NOS1: variants seen among roughly 807,000 people sequenced by gnomAD.
NOS1 encodes the protein NOS type I.
Under a neutral mutation model 164.5 loss-of-function variants are expected in NOS1, and 51 were observed. The observed-to-expected ratio is 0.31, with a 90% CI of 0.25 to 0.39. The LOEUF is 0.39. Ranked by LOEUF, NOS1 falls within the 10% of genes least tolerant of loss-of-function variation. The pLI is 1.00. For synonymous variants in NOS1, 719 were observed against 745.8 expected, an observed-to-expected ratio of 0.96 and a Z score of 0.59; for missense variants, 1,362 against 1,885.6, an observed-to-expected ratio of 0.72 and a Z score of 5.14.
At chr12:117,223,331 G>A (rs986317391) in intron 25 of NOS1, among the ~76,000 whole-genome samples, 5 of 149,632 alleles carry the variant, frequency 3.3e-5, no homozygotes, top group African/African-American at 7.4e-5. Context: ...GCACGACCTC[G>A]GCTCACTGCA....
At chr12:117,345,318 C>T (rs1215368186) in intron 1 of NOS1, among the ~76,000 whole-genome samples, 3 of 152,086 alleles carry the variant, frequency 2.0e-5, no homozygotes, top group Non-Finnish European at 2.9e-5. Flanking sequence ...CCACCGCGCC[C>T]GGCTGCAAGA....
rs770149553 is a variant in NOS1 at position 117,222,729 on chromosome 12, G to A, written c.3961C>T (p.Pro1321Ser). The change falls in exon 26 of 29, where the codon CCA becomes TCA. Residue 1321 changes from proline to serine, a missense_variant. Around this residue, in one of 4 missense-constraint regions of NOS1, gnomAD observed 737 missense variants for 1,030.3 expected, o/e 0.72. Transcript: ENST00000317775. ...RELYTAYSRE[P>S]DKPKKYVQDI... ...CTGGGGGTTACCTTTGGTTTGTCTG[G>A]CTCCCGGGAGTAAGCCGTGTACAGC... 3 of 1,613,878 alleles carry A rather than the reference G, an allele frequency of 1.9e-6. No individual in the cohort carries two copies. In the South Asian group the frequency reaches 3.3e-5, roughly 18 times the overall value.
rs569386597 is a variant in NOS1 at position 117,227,382 on chromosome 12, C to G, written c.3616+49G>C. ...TGGTTTAGGGAACCCTCCAGAGGCCCCTTGGGGGAAAATGCAGCTGAGGAG... is the reference window on the plus strand; with the variant it reads ...TGGTTTAGGGAACCCTCCAGAGGCCGCTTGGGGGAAAATGCAGCTGAGGAG... On this transcript the variant is annotated intron_variant, in intron 23 of 28. Coordinates refer to ENST00000317775, the MANE Select transcript of NOS1 (RefSeq NM_000620.5). 32 of 1,586,666 alleles carry G rather than the reference C, an allele frequency of 2.0e-5. No homozygotes were observed. The East Asian group carries it at 2.5e-4, about 12-fold the overall frequency.
intron 28 of NOS1, 119 bp from the exon 29 acceptor site, chr12:117,215,443 T>C (rs1289810319): frequency 6.3e-6 from 8 of 1,270,230 alleles, no homozygotes; most frequent in Middle Eastern, 2.3e-4. Flanking sequence ...TCTTTCTTTT[T>C]TTTTTTTTTT....
At position 117,330,118 on chromosome 12, in the gene NOS1, G is replaced by C. The variant is rs543817198; in HGVS notation, c.725+227C>G. On this transcript the variant is annotated intron_variant, in intron 2 of 28. Coordinates refer to ENST00000317775, the MANE Select transcript of NOS1 (RefSeq NM_000620.5). The surrounding 1 kb of genome is among the most constrained non-coding windows in gnomAD (Gnocchi z 4.6). ...TACCATGATGATTAATTCGCTCTGGGTTTTGTGACAAGAGAAGCATCCTAG... is the reference window on the plus strand; with the variant it reads ...TACCATGATGATTAATTCGCTCTGGCTTTTGTGACAAGAGAAGCATCCTAG... 1.2e-4 allele frequency among the ~76,000 whole-genome samples: 18 copies of C among 152,302 alleles called. No individual in the cohort carries two copies. The South Asian group carries it at 3.5e-3, about 30-fold the overall frequency.
At chr12:117,220,723 G>C (rs1306702732) in intron 26 of NOS1, among the ~76,000 whole-genome samples, 1 of 152,160 alleles carries the variant, frequency 6.6e-6, no homozygotes, top group Non-Finnish European at 1.5e-5. Context: ...AAGAGATGGG[G>C]GTGAGGTGAG....
At chr12:117,313,422 G>A (rs1244047776) in intron 2 of NOS1, among the ~76,000 whole-genome samples, 1 of 152,114 alleles carries the variant, frequency 6.6e-6, no homozygotes, top group African/African-American at 2.4e-5. Context: ...TGCCCCTCCA[G>A]TAGCTGGGAC....
chr12:117,213,207 T>C lies in NOS1; in HGVS notation c.*2102A>G, dbSNP rs1473382386. On this transcript the variant is annotated 3_prime_UTR_variant, in exon 29 of 29. Transcript: ENST00000317775. ...CTGATCAATTTGTCTTTAATGGGGA[T>C]TGGACACAACAGTTTCCTTCCCTGG... The C allele has an allele frequency of 3.0e-6, 3 of 985,426 alleles. No homozygotes were observed. The highest frequency in any genetic ancestry group is 3.6e-6 in the Non-Finnish European group (3 of 829,946). 61.0% of individuals were successfully genotyped at this position (985,426 alleles called of 1,614,324 possible). A position where few individuals can be genotyped will look rare whatever the true frequency, so the allele number is the denominator to read the frequency against.
intron 1 of NOS1, among the ~76,000 whole-genome samples, chr12:117,337,513 C>T (rs1036887518): frequency 1.3e-5 from 2 of 152,098 alleles, no homozygotes; most frequent in East Asian, 1.9e-4. Context: ...AGAGTGTGAC[C>T]GTTGTTCTTT....
intron 2 of NOS1, among the ~76,000 whole-genome samples, chr12:117,320,866 C>T (rs1465912407): frequency 6.6e-6 from 1 of 152,150 alleles, no homozygotes. Flanking sequence ...TATCTTCTGG[C>T]CTCAGTACAA....
At chr12:117,344,632 A>C (rs1460937661) in intron 1 of NOS1, among the ~76,000 whole-genome samples, 1 of 152,232 alleles carries the variant, frequency 6.6e-6, no homozygotes, top group Non-Finnish European at 1.5e-5. Context: ...GTACTGCTAT[A>C]TATTTTTAGC....
intron 1 of NOS1, among the ~76,000 whole-genome samples, chr12:117,342,778 G>A (rs931655376): frequency 1.3e-5 from 2 of 152,132 alleles, no homozygotes; most frequent in Non-Finnish European, 2.9e-5. Context: ...AGCAAGGCTG[G>A]GTATGGGGAG....
rs1412893780 is a variant in NOS1, at chr12:117,311,845, T to G, written c.726-253A>C. On this transcript the variant is annotated intron_variant, in intron 2 of 28. Coordinates refer to ENST00000317775, the MANE Select transcript of NOS1 (RefSeq NM_000620.5). ...CTTGACAGCTGATGTATCCCTAACT[T>G]TGTGGACATCATTTCAGGATGGCAA... 1.3e-5 allele frequency among the ~76,000 whole-genome samples: 2 copies of G among 152,120 alleles called. 1 individual carries two copies. The highest frequency in any genetic ancestry group is 1.3e-4 in the Admixed American group (2 of 15,264).
chr12:117,257,372 C>T (rs12425008), intron 16 of NOS1, among the ~76,000 whole-genome samples: 14,407 of 152,190 alleles, frequency 0.095, 1,135 homozygotes, highest in Admixed American at 0.28. Context: ...CATGAGCCAC[C>T]GTGCCCAGCC....
At position 117,280,817 on chromosome 12, in the gene NOS1, G is replaced by A; in HGVS notation, c.1432C>T (p.Arg478Ter). 6.2e-7 allele frequency: 1 copy of A among 1,614,194 alleles called. No homozygotes were observed. Among genetic ancestry groups the A allele is most frequent in the Non-Finnish European group, 8.5e-7 (1 of 1,180,044 alleles). ...CGGATGAGCTGGGAGTTCCAGACTC[G>A]GAAGTCGTGCTTGCCGTCTGTCCTC... ...PQRTDGKHDF[R>*]VWNSQLIRYA... Residue 478 changes from arginine (R) to a stop codon, truncating the protein, a stop_gained, in exon 8 of 29, where the codon CGA becomes TGA. Transcript: ENST00000317775. LOFTEE classifies it high-confidence loss of function.
In NOS1 at chr12:117,288,124, G is replaced by A. The variant is rs777797654; in HGVS notation, c.1077C>T (p.Leu359=). 4.1e-5 allele frequency: 66 copies of A among 1,614,110 alleles called. No homozygotes were observed. Among genetic ancestry groups the A allele is most frequent in the Non-Finnish European group, 5.4e-5 (64 of 1,180,042 alleles). Residue 359 remains leucine, a synonymous_variant, in exon 5 of 29, where the codon CTC becomes CTT. Transcript: ENST00000317775. ...CAATAAACTCTTTGGCGAGAGGGAAGAGCTGTCCTTTTGTGCGGACGTCTT... is the reference window on the plus strand; with the variant it reads ...CAATAAACTCTTTGGCGAGAGGGAAAAGCTGTCCTTTTGTGCGGACGTCTT... The part of the protein sequence containing the change: ...RPEDVRTKGQ[L]FPLAKEFIDQ...
intron 13 of NOS1, among the ~76,000 whole-genome samples, chr12:117,261,239 A>G (rs1179244702): frequency 2.0e-5 from 3 of 150,046 alleles, no homozygotes; most frequent in Non-Finnish European, 3.0e-5. Flanking sequence ...AATTAAAAGG[A>G]GTAGTTAGTT....
intron 1 of NOS1, chr12:117,348,218 G>C (rs1377651331): frequency 6.6e-6 from 1 of 151,994 alleles, no homozygotes; most frequent in Non-Finnish European, 1.5e-5. Flanking sequence ...TCACAGAAGA[G>C]AACGGTGTCA....
Position 117,211,210 on chromosome 12 carries a change from G to A in NOS1, c.*4099C>T, listed in dbSNP as rs373461623. 8.0e-5 allele frequency: 78 copies of A among 970,950 alleles called. No homozygotes were observed. The highest frequency in any genetic ancestry group is 2.3e-4 in the East Asian group (2 of 8,760). The allele number at this position is 970,950 out of a possible 1,614,324, so 60.1% of individuals were successfully genotyped here. On this transcript the variant is annotated 3_prime_UTR_variant, in exon 29 of 29. Coordinates refer to ENST00000317775, the MANE Select transcript of NOS1 (RefSeq NM_000620.5). ...TGACCTCAACTGATACACCCACCTC[G>A]GCCTCCCAAAGTGCTGGGATTACAG...
Sources: allele counts gnomAD v4.1 joint callset (sites outside exome capture counted in the v4.1 genomes callset), GRCh38; gene constraint gnomAD v4.1.1; regional missense constraint gnomAD v4.1.1; non-coding constraint Gnocchi (gnomAD v3.1); transcripts MANE v1.5; gene names NCBI Gene and HGNC (gene_info 2026-07-23, HGNC 2026-07-21).